Variants in PLA2G5 observed in about 807,000 individuals in gnomAD.
PLA2G5 encodes phospholipase A2 group V, also known as Ca2+-dependent phospholipase A2.
PLA2G5 carries 12 observed loss-of-function variants against 15.9 expected under a neutral mutation model. The observed-to-expected ratio is 0.76, with a 90% confidence interval of 0.48 to 1.23. The LOEUF is 1.23. PLA2G5 is among the 50% of genes most tolerant of loss of function. The pLI is 0.00. For synonymous variants in PLA2G5, 71 were observed against 71.4 expected, an observed-to-expected ratio of 0.99 and a Z score of 0.03; for missense variants, 169 against 177.1, an observed-to-expected ratio of 0.95 and a Z score of 0.26.
chr1:20,073,208 T>C (rs1430613182), intron 1 of PLA2G5, among the ~76,000 whole-genome samples: 1 of 151,988 alleles, frequency 6.6e-6, no homozygotes, highest in Non-Finnish European at 1.5e-5. Flanking sequence ...GCATTTTAGG[T>C]GGAGGAAAAA....
At chr1:20,074,820 G>A (rs1277676841) in intron 1 of PLA2G5, among the ~76,000 whole-genome samples, 1 of 152,228 alleles carries the variant, frequency 6.6e-6, no homozygotes, top group Admixed American at 6.5e-5. Context: ...AGCCACATGG[G>A]ACAGTTCTGA....
chr1:20,033,251 C>G (rs1415516574), intron 1 of PLA2G5, among the ~76,000 whole-genome samples: 1 of 152,110 alleles, frequency 6.6e-6, no homozygotes, highest in Non-Finnish European at 1.5e-5. Flanking sequence ...AAAGAGCTTC[C>G]GTTAATGAAC....
Position 20,091,797 on chromosome 1 carries a change from G to C in PLA2G5, c.*1105G>C, listed in dbSNP as rs1286041879. ...ACATCCTTCCAAGAAAGGACCTATG[G>C]CTTCTTTATTCCGACATACCCCAAA... On this transcript the variant is annotated 3_prime_UTR_variant, in exon 5 of 5. Coordinates refer to ENST00000375108, the MANE Select transcript of PLA2G5 (RefSeq NM_000929.3). 6.6e-6 allele frequency among the ~76,000 whole-genome samples: 1 copy of C among 152,062 alleles called. No individual in the cohort carries two copies.
At chr1:20,034,908 G>A (rs2013163909) in intron 1 of PLA2G5, among the ~76,000 whole-genome samples, 1 of 151,994 alleles carries the variant, frequency 6.6e-6, no homozygotes, top group Non-Finnish European at 1.5e-5. Context: ...CTGGAAAGGA[G>A]GAAAAAGGAG....
chr1:20,085,582 G>A (rs1021933453), intron 2 of PLA2G5, among the ~76,000 whole-genome samples: 1 of 152,208 alleles, frequency 6.6e-6, no homozygotes, highest in Non-Finnish European at 1.5e-5. Flanking sequence ...ATGTTCTAAA[G>A]GGTGTGAGGG....
intron 1 of PLA2G5, among the ~76,000 whole-genome samples, chr1:20,048,329 C>G (rs1029245492): frequency 1.3e-5 from 2 of 152,024 alleles, no homozygotes; most frequent in African/African-American, 4.8e-5. Context: ...TTTGTTTGTG[C>G]TTATGAATCA....
chr1:20,035,209 C>T (rs2013177893), intron 1 of PLA2G5, among the ~76,000 whole-genome samples: 3 of 152,116 alleles, frequency 2.0e-5, no homozygotes, highest in South Asian at 2.1e-4. Flanking sequence ...CAGCATAAGA[C>T]CTATAGAGAT....
upstream of PLA2G5, among the ~76,000 whole-genome samples, chr1:20,066,591 G>T (rs1416547601): frequency 1.3e-5 from 2 of 152,196 alleles, no homozygotes; most frequent in Non-Finnish European, 2.9e-5. Context: ...TGCCTCCTAT[G>T]AACTTTCTAT....
intron 1 of PLA2G5, among the ~76,000 whole-genome samples, chr1:20,072,166 C>T (rs2015410959): frequency 6.6e-6 from 1 of 152,112 alleles, no homozygotes; most frequent in African/African-American, 2.4e-5. Context: ...CATCCCCAAA[C>T]ACACACACTC....
At chr1:20,039,511 C>A (rs547319049) in intron 1 of PLA2G5, among the ~76,000 whole-genome samples, 1 of 152,282 alleles carries the variant, frequency 6.6e-6, no homozygotes, top group South Asian at 2.1e-4. Flanking sequence ...GTCAGTAAAA[C>A]TTTACAAATT....
At chr1:20,057,136 T>C (rs1330143772) in intron 1 of PLA2G5, among the ~76,000 whole-genome samples, 1 of 152,134 alleles carries the variant, frequency 6.6e-6, no homozygotes, top group Non-Finnish European at 1.5e-5. Context: ...GATTTATAAT[T>C]TTGCTGATAT....
chr1:20,080,410 C>T (rs1262850189), intron 1 of PLA2G5, among the ~76,000 whole-genome samples: 8 of 151,950 alleles, frequency 5.3e-5, no homozygotes, highest in African/African-American at 1.2e-4. Flanking sequence ...AGTAAAACCC[C>T]GTCTCTACTA....
chr1:20,072,319 G>A (rs1264897129), intron 1 of PLA2G5, among the ~76,000 whole-genome samples: 1 of 152,192 alleles, frequency 6.6e-6, no homozygotes, highest in Admixed American at 6.5e-5. Flanking sequence ...AGGGTTCTCA[G>A]CTGTTTTGCT....
chr1:20,067,373 T>C (rs1158806139), upstream of PLA2G5, among the ~76,000 whole-genome samples: 1 of 152,216 alleles, frequency 6.6e-6, no homozygotes, highest in East Asian at 1.9e-4. Flanking sequence ...TTCCTTAGTA[T>C]ATATGAAGAC....
intron 1 of PLA2G5, among the ~76,000 whole-genome samples, chr1:20,079,210 A>G (rs1297962130): frequency 6.6e-6 from 1 of 152,030 alleles, no homozygotes; most frequent in East Asian, 1.9e-4. Context: ...AAAATGGAGA[A>G]TACTAGTAGC....
intron 1 of PLA2G5, among the ~76,000 whole-genome samples, chr1:20,050,832 T>C (rs2014145177): frequency 1.3e-5 from 2 of 152,042 alleles, no homozygotes; most frequent in South Asian, 4.1e-4. Flanking sequence ...AATCAAATTA[T>C]AAATTCTGTC....
intron 1 of PLA2G5, among the ~76,000 whole-genome samples, chr1:20,073,070 A>G (rs945136220): frequency 6.6e-6 from 1 of 152,134 alleles, no homozygotes; most frequent in African/African-American, 2.4e-5. Context: ...AACCTTGGGC[A>G]CCATCTGTGA....
At chr1:20,061,173 T>C (rs1447786955) in intron 2 of PLA2G5, among the ~76,000 whole-genome samples, 1 of 152,150 alleles carries the variant, frequency 6.6e-6, no homozygotes, top group African/African-American at 2.4e-5. Context: ...TGAATCTACC[T>C]CTTCATCTTT....
In PLA2G5 at chr1:20,060,372, G is replaced by A. The variant is rs2014659470; in HGVS notation, n.337+680G>A. 2.7e-5 allele frequency among the ~76,000 whole-genome samples: 4 copies of A among 146,354 alleles called. No homozygotes were observed. In the South Asian group the frequency reaches 8.9e-4, roughly 33 times the overall value. ...AGATTCAAGCGATTCTCCTGCCTCA[G>A]CCTCCCAAGTAGCTGGGATTATAGG... On this transcript the variant is annotated intron_variant and non_coding_transcript_variant, in intron 2 of 6. Coordinates refer to the PLA2G5 transcript ENST00000460175.
Sources: gnomAD v4.1 joint callset for allele counts (sites outside exome capture counted in the v4.1 genomes callset) on GRCh38, gnomAD v4.1.1 for gene constraint, MANE v1.5 for transcripts, NCBI Gene and HGNC (gene_info 2026-07-23, HGNC 2026-07-21) for gene names.